Variants in GNA12 observed in about 807,000 individuals in gnomAD.
GNA12 encodes the protein G protein subunit alpha 12.
A neutral mutation model predicts 26.0 loss-of-function variants in GNA12; 9 were observed. The ratio of observed to expected loss-of-function variants is 0.35; its 90% CI spans 0.21 to 0.60. GNA12 has a LOEUF of 0.60. Among genes scored for constraint, GNA12 ranks in the 20% least tolerant of loss-of-function variants. The pLI, the probability that GNA12 is intolerant of heterozygous loss-of-function variation, is 0.78. For missense variants in GNA12, 405 were observed against 525.8 expected, an observed-to-expected ratio of 0.77 and a Z score of 2.25; for synonymous variants, 264 against 219.6, an observed-to-expected ratio of 1.20 and a Z score of -1.79.
At chr7:2,771,319 AC>A (rs1312320175) in intron 2 of GNA12, among the ~76,000 whole-genome samples, 2 of 152,042 alleles carry the variant, frequency 1.3e-5, no homozygotes, top group Non-Finnish European at 2.9e-5. Flanking sequence ...AACCAAAAAA[AC>A]GAAACCGCAC....
At chr7:2,806,066 C>T (rs1792938837) in intron 1 of GNA12, among the ~76,000 whole-genome samples, 2 of 152,262 alleles carry the variant, frequency 1.3e-5, no homozygotes, top group African/African-American at 2.4e-5. Flanking sequence ...AATCATTTTT[C>T]TTTCGTTCTT....
At chr7:2,796,515 A>G (rs961217422) in intron 1 of GNA12, among the ~76,000 whole-genome samples, 1 of 152,154 alleles carries the variant, frequency 6.6e-6, no homozygotes, top group African/African-American at 2.4e-5. Context: ...AAAAGATACA[A>G]CTGCTTCTTC....
intron 2 of GNA12, among the ~76,000 whole-genome samples, chr7:2,793,625 GA>G (rs1792575904): frequency 6.6e-6 from 1 of 152,132 alleles, no homozygotes; most frequent in Admixed American, 6.5e-5. Flanking sequence ...GCTCACACCT[GA>G]AATCCCAGCA....
rs1460725780 is a variant in GNA12 at position 2,748,197 on chromosome 7, G to A, written c.526-14696C>T. Among the ~76,000 whole-genome samples, 19 of 150,730 alleles carry A rather than the reference G, an allele frequency of 1.3e-4. 1 individual carries two copies. Among genetic ancestry groups the A allele is most frequent in the African/African-American group, 4.9e-5 (2 of 41,058 alleles). On this transcript the variant is annotated intron_variant, in intron 2 of 3. Coordinates refer to ENST00000275364, the MANE Select transcript of GNA12 (RefSeq NM_007353.3). ...ATGGAACCAAAAAAGAGCCTGCATC[G>A]CCAAGTCAATCCTAAGCCAAAAGAA...
chr7:2,768,560 C>T (rs1397595672), intron 2 of GNA12, among the ~76,000 whole-genome samples: 4 of 151,862 alleles, frequency 2.6e-5, no homozygotes, highest in Admixed American at 6.6e-5. Flanking sequence ...TAGAGTAAAA[C>T]CTAATGCTAA....
At chr7:2,740,210 G>A (rs887092158) in intron 2 of GNA12, among the ~76,000 whole-genome samples, 11 of 152,102 alleles carry the variant, frequency 7.2e-5, no homozygotes, top group African/African-American at 2.7e-4. Flanking sequence ...TTTCTAGGTG[G>A]TTCTATTTGT....
At chr7:2,763,196 A>ACACACG (rs1042770910) in intron 2 of GNA12, 2 of 124,590 alleles carry the variant, frequency 1.6e-5, no homozygotes, top group African/African-American at 7.0e-5. Context: ...ACCCCAACAC[A>ACACACG]CACACACACA....
intron 1 of GNA12, among the ~76,000 whole-genome samples, chr7:2,797,804 C>G (rs1792714151): frequency 6.6e-6 from 1 of 152,146 alleles, no homozygotes; most frequent in East Asian, 1.9e-4. Flanking sequence ...GAGACCATGC[C>G]TAGTTCTACC....
intron 2 of GNA12, among the ~76,000 whole-genome samples, chr7:2,781,199 A>G (rs1792218651): frequency 6.6e-6 from 1 of 152,200 alleles, no homozygotes; most frequent in African/African-American, 2.4e-5. Context: ...CTTTGAAAAT[A>G]TACAGCAGTT....
intron 1 of GNA12, among the ~76,000 whole-genome samples, chr7:2,838,235 T>A (rs1240001213): frequency 2.1e-5 from 3 of 143,740 alleles, no homozygotes; most frequent in Non-Finnish European, 4.5e-5. Flanking sequence ...ATGTATACTG[T>A]AAACCTAGGG....
chr7:2,745,945 C>G (rs370745154), intron 2 of GNA12, among the ~76,000 whole-genome samples: 45 of 151,942 alleles, frequency 3.0e-4, no homozygotes, highest in South Asian at 1.7e-3. Context: ...AATGGTAAAG[C>G]GATCAATTCA....
At chr7:2,821,297 C>T (rs912338722) in intron 1 of GNA12, among the ~76,000 whole-genome samples, 3 of 152,200 alleles carry the variant, frequency 2.0e-5, no homozygotes, top group Non-Finnish European at 2.9e-5. Flanking sequence ...CACGCTGCCT[C>T]CCGTGGCAAG....
chr7:2,785,053 A>G (rs1562426713), intron 2 of GNA12, among the ~76,000 whole-genome samples: 1 of 152,206 alleles, frequency 6.6e-6, no homozygotes, highest in South Asian at 2.1e-4. Flanking sequence ...TTAGAGGTTT[A>G]TAAGTATATA....
At chr7:2,751,382 C>T (rs1449084401) in intron 2 of GNA12, among the ~76,000 whole-genome samples, 13 of 145,054 alleles carry the variant, frequency 9.0e-5, no homozygotes, top group Non-Finnish European at 1.5e-4. Context: ...CAGAGCAAGA[C>T]CGTTTCAAAG....
intron 1 of GNA12, among the ~76,000 whole-genome samples, chr7:2,842,125 A>AAAGGAAGGAAGGGAGG (rs1779012662): frequency 1.2e-5 from 1 of 86,370 alleles, no homozygotes; most frequent in Non-Finnish European, 2.8e-5. Flanking sequence ...GGGAGGAAGA[A>AAAGGAAGGAAGGGAGG]AAGAAAGGAA....
chr7:2,812,026 G>C (rs955906917), intron 1 of GNA12, among the ~76,000 whole-genome samples: 1 of 152,264 alleles, frequency 6.6e-6, no homozygotes, highest in African/African-American at 2.4e-5. Flanking sequence ...GGAAGGGGCT[G>C]TAAGTACTCA....
rs75556464 is a variant in GNA12, at chr7:2,729,879, G to T, written c.*1302C>A. 3 of 152,416 alleles carry T rather than the reference G, an allele frequency of 2.0e-5. No homozygotes were observed. The highest frequency in any genetic ancestry group is 7.2e-5 in the African/African-American group (3 of 41,434). 9.4% of individuals were successfully genotyped at this position (152,416 alleles called of 1,614,324 possible). A position where few individuals can be genotyped will look rare whatever the true frequency, so the allele number is the denominator to read the frequency against. On this transcript the variant is annotated 3_prime_UTR_variant, in exon 4 of 4. Coordinates refer to ENST00000275364, the MANE Select transcript of GNA12 (RefSeq NM_007353.3). ...AGTGAAAGCCACCTGGCAGGTAGCT[G>T]GACAAGTGAGCTGGGCCCAGGACTG...
intron 2 of GNA12, among the ~76,000 whole-genome samples, chr7:2,771,918 AC>A (rs1157192411): frequency 6.6e-6 from 1 of 151,646 alleles, no homozygotes; most frequent in Admixed American, 6.6e-5. Context: ...CTGAGTTCCC[AC>A]CCCCGCCCTC....
chr7:2,770,675 C>CAGAA (rs1207424528), intron 2 of GNA12, among the ~76,000 whole-genome samples: 27 of 139,436 alleles, frequency 1.9e-4, no homozygotes, highest in South Asian at 1.3e-3. Context: ...AAACAACACA[C>CAGAA]AGAAAGAAAG....
Sources: allele counts gnomAD v4.1 joint callset (sites outside exome capture counted in the v4.1 genomes callset), GRCh38; gene constraint gnomAD v4.1.1; transcripts MANE v1.5; gene names NCBI Gene and HGNC (gene_info 2026-07-23, HGNC 2026-07-21).